TENM4: variants seen among roughly 807,000 people sequenced by gnomAD.
TENM4 encodes the protein teneurin transmembrane protein 4.
TENM4 carries 82 observed loss-of-function variants against 243.3 expected under a neutral mutation model. The ratio of observed to expected loss-of-function variants is 0.34; its 90% CI spans 0.28 to 0.40. The LOEUF (loss-of-function observed/expected upper bound fraction) is 0.40, where lower values mean the gene tolerates loss of function less well. Among genes scored for constraint, TENM4 ranks in the 10% least tolerant of loss-of-function variants. The pLI is 1.00. For synonymous variants in TENM4, 1,412 were observed against 1,456.3 expected, an observed-to-expected ratio of 0.97 and a Z score of 0.69; for missense variants, 3,138 against 3,673.3, an observed-to-expected ratio of 0.85 and a Z score of 3.77.
At chr11:79,424,943 A>C (rs190774717) in intron 1 of TENM4, among the ~76,000 whole-genome samples, 190 of 152,182 alleles carry the variant, frequency 1.2e-3, no homozygotes, top group African/African-American at 3.6e-3. Context: ...CACACACACA[A>C]AAAAAAGTCA....
chr11:79,037,378 T>C (rs904018278), intron 6 of TENM4, among the ~76,000 whole-genome samples: 5 of 152,216 alleles, frequency 3.3e-5, no homozygotes, highest in Non-Finnish European at 7.3e-5. Context: ...GCCTTAGGAG[T>C]TAATCCGATG....
intron 24 of TENM4, 126 bp from the exon 25 acceptor site, chr11:78,720,516 A>G: frequency 1.1e-6 from 1 of 943,840 alleles, no homozygotes; most frequent in Admixed American, 1.9e-5. Flanking sequence ...ATAAATAAAG[A>G]CTTAGCAGCT....
chr11:78,943,376 G>C (rs947936582), intron 6 of TENM4, among the ~76,000 whole-genome samples: 2 of 152,240 alleles, frequency 1.3e-5, no homozygotes, highest in South Asian at 4.1e-4. Flanking sequence ...GGGGCAAGGG[G>C]TGGGCGTCAG....
chr11:79,177,096 C>T (rs1156681188), intron 3 of TENM4, among the ~76,000 whole-genome samples: 2 of 152,050 alleles, frequency 1.3e-5, no homozygotes, highest in South Asian at 2.1e-4. Context: ...CATGGTGACC[C>T]GTGGCCTAGA....
intron 8 of TENM4, 32 bp downstream of exon 8, chr11:78,891,206 C>T (rs1453391078): frequency 6.5e-7 from 1 of 1,546,288 alleles, no homozygotes; most frequent in Non-Finnish European, 8.8e-7. Flanking sequence ...AAGGAGAGCA[C>T]ACACAGAGAG....
At chr11:79,088,643 C>T (rs1860874092) in intron 4 of TENM4, among the ~76,000 whole-genome samples, 1 of 152,200 alleles carries the variant, frequency 6.6e-6, no homozygotes, top group Non-Finnish European at 1.5e-5. Context: ...TTTATTATGA[C>T]TACTATTGCT....
chr11:79,075,933 C>G lies in TENM4; in HGVS notation c.-65-5924G>C, dbSNP rs1376443500. Among the ~76,000 whole-genome samples, 5 of 152,350 alleles carry G rather than the reference C, an allele frequency of 3.3e-5. No homozygotes were observed. The East Asian group carries it at 9.6e-4, about 29-fold the overall frequency. On this transcript the variant is annotated intron_variant, in intron 4 of 33. Coordinates refer to ENST00000278550, the MANE Select transcript of TENM4 (RefSeq NM_001098816.3). Reference sequence around the variant, plus strand: ...TCCAGAGAGGAGCGGGTCACAAGCCCTCCAGTGACAGCTCACCATCTCTCT... The same window carrying G: ...TCCAGAGAGGAGCGGGTCACAAGCCGTCCAGTGACAGCTCACCATCTCTCT...
chr11:79,247,010 C>T (rs1364225908), intron 2 of TENM4, among the ~76,000 whole-genome samples: 1 of 148,422 alleles, frequency 6.7e-6, no homozygotes, highest in East Asian at 1.9e-4. Flanking sequence ...ACCCCCCCAC[C>T]CCCAAAACAA....
At chr11:79,299,197 T>A (rs1230312911) in intron 1 of TENM4, among the ~76,000 whole-genome samples, 2 of 152,158 alleles carry the variant, frequency 1.3e-5, no homozygotes, top group African/African-American at 4.8e-5. Flanking sequence ...CTGCTACACT[T>A]TGGGGAGCTG....
At chr11:78,734,376 A>G (rs1855740744) in intron 20 of TENM4, among the ~76,000 whole-genome samples, 1 of 152,106 alleles carries the variant, frequency 6.6e-6, no homozygotes, top group Admixed American at 6.6e-5. Context: ...ACCACCATCA[A>G]GGGCTCATTC....
At chr11:78,865,700 C>T (rs528902805) in intron 9 of TENM4, among the ~76,000 whole-genome samples, 38 of 152,302 alleles carry the variant, frequency 2.5e-4, no homozygotes, top group African/African-American at 8.4e-4. Context: ...GGGGAACACA[C>T]ACAAGTCTGC....
chr11:79,088,621 C>T lies in TENM4; in HGVS notation c.-65-18612G>A, dbSNP rs11237711. 3.3e-5 allele frequency among the ~76,000 whole-genome samples: 5 copies of T among 152,222 alleles called. No homozygotes were observed. The South Asian group carries it at 6.2e-4, about 19-fold the overall frequency. On this transcript the variant is annotated intron_variant, in intron 4 of 33. Coordinates refer to ENST00000278550, the MANE Select transcript of TENM4 (RefSeq NM_001098816.3). ...GTTAGAAGGAGCTTAGAACAGGCTT[C>T]GCACTTGGCTGTTTATTATGACTAC... is the stretch of plus-strand genomic sequence containing the variant.
intron 14 of TENM4, among the ~76,000 whole-genome samples, chr11:78,810,140 A>C (rs886335002): frequency 6.6e-6 from 1 of 152,302 alleles, no homozygotes; most frequent in Admixed American, 6.5e-5. Flanking sequence ...GGAGGAGGGG[A>C]GGAGAAGTGT....
intron 3 of TENM4, among the ~76,000 whole-genome samples, chr11:79,207,412 G>A (rs1262774088): frequency 6.6e-6 from 1 of 152,112 alleles, no homozygotes; most frequent in Non-Finnish European, 1.5e-5. Context: ...ACATTATTTT[G>A]TTATTACTAC....
intron 7 of TENM4, among the ~76,000 whole-genome samples, chr11:78,900,690 G>C (rs1389147845): frequency 6.6e-6 from 1 of 152,164 alleles, no homozygotes; most frequent in African/African-American, 2.4e-5. Flanking sequence ...AGGAAATCAA[G>C]GTTCAGGGAT....
intron 2 of TENM4, among the ~76,000 whole-genome samples, chr11:79,274,188 T>C (rs76841254): frequency 1.7e-3 from 259 of 152,290 alleles, no homozygotes; most frequent in African/African-American, 6.1e-3. Flanking sequence ...AAACATCAAA[T>C]GTAAACACCT....
intron 9 of TENM4, among the ~76,000 whole-genome samples, chr11:78,873,640 A>T (rs1436541268): frequency 6.6e-6 from 1 of 152,166 alleles, no homozygotes; most frequent in Non-Finnish European, 1.5e-5. Flanking sequence ...AAAGAAACCA[A>T]CATTGCCAAT....
intron 12 of TENM4, among the ~76,000 whole-genome samples, chr11:78,846,576 C>G (rs1158350356): frequency 6.6e-6 from 1 of 152,222 alleles, no homozygotes; most frequent in Admixed American, 6.5e-5. Context: ...TGCTTCGAGG[C>G]ATAATGGAAA....
intron 2 of TENM4, among the ~76,000 whole-genome samples, chr11:79,277,632 G>A (rs1400047503): frequency 6.6e-6 from 1 of 152,200 alleles, no homozygotes; most frequent in Non-Finnish European, 1.5e-5. Context: ...TTAGGGGCAG[G>A]GAAGCAAAGT....
Sources: gnomAD v4.1 joint callset for allele counts (sites outside exome capture counted in the v4.1 genomes callset) on GRCh38, gnomAD v4.1.1 for gene constraint, MANE v1.5 for transcripts, NCBI Gene and HGNC (gene_info 2026-07-23, HGNC 2026-07-21) for gene names.